Variants in SLIT3 observed in about 807,000 individuals in gnomAD.
SLIT3 encodes the protein slit homolog 3 protein.
In SLIT3, 68 loss-of-function variants were observed where a neutral mutation model predicts 184.0. The ratio of observed to expected loss-of-function variants is 0.37; its 90% CI spans 0.30 to 0.45. SLIT3 has a LOEUF of 0.45. SLIT3 is among the 20% of genes least tolerant of loss of function. SLIT3 has a pLI of 1.00. For synonymous variants in SLIT3, 831 were observed against 828.6 expected, an observed-to-expected ratio of 1.00 and a Z score of -0.05; for missense variants, 1,707 against 2,026.0, an observed-to-expected ratio of 0.84 and a Z score of 3.02.
At chr5:169,045,552 A>AGAT (rs1757597060) in intron 4 of SLIT3, among the ~76,000 whole-genome samples, 1 of 152,192 alleles carries the variant, frequency 6.6e-6, no homozygotes, top group Non-Finnish European at 1.5e-5. Context: ...GGTATTCAAT[A>AGAT]GATGATTTTT....
intron 4 of SLIT3, among the ~76,000 whole-genome samples, chr5:169,137,345 G>GAGAGAGAGAGAA (rs1561689558): frequency 1.3e-5 from 2 of 151,624 alleles, no homozygotes; most frequent in Middle Eastern, 3.4e-3. Context: ...CAGAGAGAGA[G>GAGAGAGAGAGAA]AGAGAGAGAG....
intron 4 of SLIT3, among the ~76,000 whole-genome samples, chr5:169,159,008 C>T (rs1762393462): frequency 6.6e-6 from 1 of 152,122 alleles, no homozygotes; most frequent in African/African-American, 2.4e-5. Context: ...TGAGGCCGGG[C>T]ATGGTGGCTC....
chr5:168,693,706 A>G (rs1299501957), intron 28 of SLIT3, among the ~76,000 whole-genome samples: 1 of 152,162 alleles, frequency 6.6e-6, no homozygotes, highest in African/African-American at 2.4e-5. Context: ...CTCCCAGGGT[A>G]TAGGCAGGTA....
intron 8 of SLIT3, among the ~76,000 whole-genome samples, chr5:168,816,062 GT>G (rs1331652173): frequency 6.6e-6 from 1 of 151,970 alleles, no homozygotes; most frequent in Non-Finnish European, 1.5e-5. Flanking sequence ...TTGTTTGTTT[GT>G]TTTTTTAGGA....
chr5:168,852,062 G>A (rs779557643), intron 5 of SLIT3, among the ~76,000 whole-genome samples: 2 of 152,156 alleles, frequency 1.3e-5, no homozygotes, highest in Non-Finnish European at 2.9e-5. Flanking sequence ...TTACTTGCCG[G>A]CCTTGCTGAT....
intron 3 of SLIT3, among the ~76,000 whole-genome samples, chr5:169,199,239 G>T (rs1245195926): frequency 2.1e-5 from 3 of 145,802 alleles, no homozygotes; most frequent in African/African-American, 8.1e-5. Context: ...CGTGAGGATT[G>T]GTCTCTGCGT....
intron 4 of SLIT3, among the ~76,000 whole-genome samples, chr5:169,133,649 T>C (rs1761387898): frequency 6.6e-6 from 1 of 152,182 alleles, no homozygotes; most frequent in Admixed American, 6.5e-5. Flanking sequence ...ATGACATCTG[T>C]GTCAACTGTT....
intron 23 of SLIT3, among the ~76,000 whole-genome samples, chr5:168,715,793 C>T (rs1762705953): frequency 6.6e-6 from 1 of 152,074 alleles, no homozygotes. Context: ...CTGCCTCAGC[C>T]TCCTGAGTAG....
chr5:169,293,215 T>A (rs11134570), intron 1 of SLIT3, among the ~76,000 whole-genome samples: 117,381 of 152,056 alleles, frequency 0.77, 45,623 homozygotes, highest in African/African-American at 0.87. Flanking sequence ...TGCTCTGGGT[T>A]ACAACAATCA....
chr5:169,042,426 C>T (rs948743399), intron 4 of SLIT3, among the ~76,000 whole-genome samples: 10 of 152,212 alleles, frequency 6.6e-5, no homozygotes, highest in Non-Finnish European at 1.5e-4. Flanking sequence ...AGGCTTCACT[C>T]TTTGCATTAG....
chr5:168,895,117 G>A (rs1760615898), intron 4 of SLIT3, among the ~76,000 whole-genome samples: 1 of 152,224 alleles, frequency 6.6e-6, no homozygotes, highest in Non-Finnish European at 1.5e-5. Flanking sequence ...TGCAGTTTGG[G>A]AGAAGTTGAA....
chr5:169,171,719 A>G (rs1762826876), intron 4 of SLIT3, among the ~76,000 whole-genome samples: 1 of 152,232 alleles, frequency 6.6e-6, no homozygotes, highest in Admixed American at 6.5e-5. Flanking sequence ...GCTTTGGAGA[A>G]GTTGCTGAAC....
At chr5:168,905,732 T>TA (rs1398441227) in intron 4 of SLIT3, among the ~76,000 whole-genome samples, 1 of 152,222 alleles carries the variant, frequency 6.6e-6, no homozygotes, top group Non-Finnish European at 1.5e-5. Context: ...GAAACTCGTA[T>TA]ACCCCTTGCT....
intron 7 of SLIT3, 103 bp downstream of exon 7, chr5:168,823,157 C>T: frequency 2.2e-6 from 2 of 925,430 alleles, no homozygotes; most frequent in Non-Finnish European, 3.6e-6. Flanking sequence ...TCGGAACCAT[C>T]TGCCTAGTCA....
intron 26 of SLIT3, among the ~76,000 whole-genome samples, chr5:168,702,713 A>C (rs1246441209): frequency 3.5e-5 from 5 of 143,830 alleles, no homozygotes; most frequent in South Asian, 2.2e-4. Flanking sequence ...GATGATGATG[A>C]TGCTTGGGGT....
At chr5:169,282,976 A>G (rs1320545536) in intron 1 of SLIT3, among the ~76,000 whole-genome samples, 1 of 152,218 alleles carries the variant, frequency 6.6e-6, no homozygotes, top group East Asian at 1.9e-4. Context: ...TAATTTTTTA[A>G]GTCTCCCCAG....
intron 5 of SLIT3, among the ~76,000 whole-genome samples, chr5:168,882,011 G>A (rs1016565580): frequency 2.6e-5 from 4 of 152,130 alleles, no homozygotes; most frequent in African/African-American, 7.2e-5. Flanking sequence ...CCCCAGAGAC[G>A]CCTCTGCCCT....
intron 32 of SLIT3, among the ~76,000 whole-genome samples, chr5:168,683,173 C>T (rs1203921634): frequency 2.6e-5 from 4 of 151,796 alleles, no homozygotes; most frequent in African/African-American, 7.3e-5. Flanking sequence ...CGAGAGCAGC[C>T]TGGCCAACAT....
intron 4 of SLIT3, among the ~76,000 whole-genome samples, chr5:169,072,347 C>T (rs1459356244): frequency 6.6e-6 from 1 of 152,168 alleles, no homozygotes; most frequent in East Asian, 1.9e-4. Flanking sequence ...TTTCTGAACC[C>T]TAGATGCCTC....
Sources: gnomAD v4.1 joint callset for allele counts (sites outside exome capture counted in the v4.1 genomes callset) on GRCh38, gnomAD v4.1.1 for gene constraint, MANE v1.5 for transcripts, NCBI Gene and HGNC (gene_info 2026-07-23, HGNC 2026-07-21) for gene names.